SLC12A8: variants seen among roughly 807,000 people sequenced by gnomAD.
SLC12A8 encodes solute carrier family 12 member 8, also known as cation-chloride cotransporter 9.
SLC12A8 carries 69 observed loss-of-function variants against 75.6 expected under a neutral mutation model. The ratio of observed to expected loss-of-function variants is 0.91; its 90% CI spans 0.75 to 1.11. The LOEUF (loss-of-function observed/expected upper bound fraction) is 1.11. SLC12A8 is among the 50% of genes most tolerant of loss of function. The pLI is 0.00. For missense variants in SLC12A8, 877 were observed against 896.7 expected, an observed-to-expected ratio of 0.98 and a Z score of 0.28; for synonymous variants, 365 against 372.8, an observed-to-expected ratio of 0.98 and a Z score of 0.24.
At chr3:125,149,296 C>G (rs1360315307) in intron 5 of SLC12A8, among the ~76,000 whole-genome samples, 4 of 152,250 alleles carry the variant, frequency 2.6e-5, no homozygotes. Flanking sequence ...ATCCCCAAGC[C>G]AAAGCCAGCA....
intron 5 of SLC12A8, among the ~76,000 whole-genome samples, chr3:125,155,431 G>T (rs1322933867): frequency 6.6e-6 from 1 of 152,146 alleles, no homozygotes; most frequent in African/African-American, 2.4e-5. Context: ...AGATTCTGAT[G>T]CAGGAATTGA....
At chr3:125,111,731 C>T (rs1021387915) in intron 8 of SLC12A8, among the ~76,000 whole-genome samples, 5 of 152,078 alleles carry the variant, frequency 3.3e-5, no homozygotes, top group African/African-American at 9.7e-5. Context: ...TCTTTCCTGG[C>T]TCATAAATTA....
At chr3:125,130,597 AAAG>A (rs543956382) in intron 6 of SLC12A8, among the ~76,000 whole-genome samples, 6 of 5,082 alleles carry the variant, frequency 1.2e-3, no homozygotes, top group East Asian at 0.062. Flanking sequence ...GTCTTAAAAA[AAAG>A]AAAAAGAAAA....
At chr3:125,116,863 C>T (rs1939323504) in intron 8 of SLC12A8, among the ~76,000 whole-genome samples, 1 of 152,216 alleles carries the variant, frequency 6.6e-6, no homozygotes, top group Non-Finnish European at 1.5e-5. Context: ...CTGAGGCCTT[C>T]AATTCCTGTA....
intron 2 of SLC12A8, among the ~76,000 whole-genome samples, chr3:125,197,999 C>T (rs530195105): frequency 1.4e-4 from 22 of 152,120 alleles, no homozygotes; most frequent in East Asian, 7.7e-4. Context: ...TAGTGGACAC[C>T]ACCTTAAATA....
At chr3:125,154,747 A>G (rs185862630) in intron 5 of SLC12A8, 188 of 152,258 alleles carry the variant, frequency 1.2e-3, no homozygotes, top group African/African-American at 4.4e-3. Context: ...ATAAAATAGA[A>G]CAACTCTAAC....
In SLC12A8 at chr3:125,148,969, C is replaced by CG. The variant is rs59309540; in HGVS notation, c.623-13188dup. 1.2e-3 allele frequency among the ~76,000 whole-genome samples: 175 copies of CG among 152,076 alleles called. 1 individual carries two copies. The highest frequency in any genetic ancestry group is 5.1e-4 in the Non-Finnish European group (35 of 67,998). ...CAGTGAGAGGAACACAAACCAGCAG[C>CG]GGGGGGGCACAGGCAGGATGTGTCG... On this transcript the variant is annotated intron_variant, in intron 5 of 13. Coordinates refer to ENST00000469902, the MANE Select transcript of SLC12A8 (RefSeq NM_024628.6).
At chr3:125,094,735 G>C (rs1332258940) in intron 10 of SLC12A8, among the ~76,000 whole-genome samples, 1 of 152,106 alleles carries the variant, frequency 6.6e-6, no homozygotes, top group African/African-American at 2.4e-5. Context: ...CTCCTCAAAA[G>C]AATTGCCTAT....
intron 6 of SLC12A8, among the ~76,000 whole-genome samples, chr3:125,128,287 T>C (rs1249518374): frequency 3.7e-4 from 53 of 143,868 alleles, no homozygotes; most frequent in Non-Finnish European, 7.5e-4. Context: ...TTCACGCCAT[T>C]CTCCTGCCTC....
intron 5 of SLC12A8, among the ~76,000 whole-genome samples, chr3:125,173,961 G>T (rs1297553168): frequency 6.7e-6 from 1 of 149,618 alleles, no homozygotes; most frequent in Non-Finnish European, 1.5e-5. Flanking sequence ...GCGTGGTGGT[G>T]CATGCCTGTA....
intron 5 of SLC12A8, among the ~76,000 whole-genome samples, chr3:125,175,901 C>T (rs1319231367): frequency 2.6e-5 from 4 of 152,056 alleles, no homozygotes; most frequent in Admixed American, 6.6e-5. Context: ...CTTTAGGTGC[C>T]GGATCGTTGG....
chr3:125,123,859 T>C (rs1420286097), intron 6 of SLC12A8, among the ~76,000 whole-genome samples: 1 of 152,206 alleles, frequency 6.6e-6, no homozygotes, highest in African/African-American at 2.4e-5. Context: ...TCCTACAGTT[T>C]GTCAGGTCAT....
chr3:125,130,574 A>G (rs1933325697), intron 6 of SLC12A8, among the ~76,000 whole-genome samples: 1 of 149,920 alleles, frequency 6.7e-6, no homozygotes, highest in African/African-American at 2.5e-5. Context: ...CCTGGGTGAC[A>G]GAGCGAGACC....
At chr3:125,138,287 G>A (rs1366126015) in intron 5 of SLC12A8, among the ~76,000 whole-genome samples, 2 of 152,100 alleles carry the variant, frequency 1.3e-5, no homozygotes, top group Non-Finnish European at 2.9e-5. Context: ...TGTAGTCCCC[G>A]CTACTCTGGA....
chr3:125,204,307 C>A (rs1935185046), intron 2 of SLC12A8, among the ~76,000 whole-genome samples: 4 of 152,058 alleles, frequency 2.6e-5, no homozygotes, highest in Admixed American at 2.6e-4. Context: ...GCCCTATTCG[C>A]AATAGCAAAA....
intron 4 of SLC12A8, among the ~76,000 whole-genome samples, chr3:125,182,778 T>C (rs769498773): frequency 9.2e-5 from 14 of 152,204 alleles, no homozygotes; most frequent in Non-Finnish European, 1.8e-4. Context: ...AGTTCTGGGA[T>C]TACAGGCGTG....
chr3:125,163,055 G>A lies in SLC12A8; in HGVS notation c.622+14688C>T, dbSNP rs536378425. On this transcript the variant is annotated intron_variant, in intron 5 of 13. Coordinates refer to ENST00000469902, the MANE Select transcript of SLC12A8 (RefSeq NM_024628.6). ...GCGGTGGCTCATGCCTATAATCCCA[G>A]CCCTTTGGGAGGCCAAGACAGGTGG... Among the ~76,000 whole-genome samples, 11 of 152,308 alleles carry A rather than the reference G, an allele frequency of 7.2e-5. No homozygotes were observed. In the South Asian group the frequency reaches 1.2e-3, roughly 17 times the overall value.
chr3:125,175,468 C>T (rs1934499090), intron 5 of SLC12A8, among the ~76,000 whole-genome samples: 1 of 152,080 alleles, frequency 6.6e-6, no homozygotes, highest in African/African-American at 2.4e-5. Context: ...ATGTATTGAC[C>T]AGAAGGAAGG....
At chr3:125,145,929 A>G (rs1372826561) in intron 5 of SLC12A8, among the ~76,000 whole-genome samples, 1 of 152,188 alleles carries the variant, frequency 6.6e-6, no homozygotes, top group Admixed American at 6.5e-5. Flanking sequence ...CCACGGCTCA[A>G]GTGATCCTCC....
Sources: gnomAD v4.1 joint callset for allele counts (sites outside exome capture counted in the v4.1 genomes callset) on GRCh38, gnomAD v4.1.1 for gene constraint, MANE v1.5 for transcripts, NCBI Gene and HGNC (gene_info 2026-07-23, HGNC 2026-07-21) for gene names.